The following HTRA1 variants were observed in gnomAD, a reference collection of about 807,000 sequenced individuals.
HTRA1 encodes the protein HtrA serine peptidase 1, also known as serine protease HTRA1.
In HTRA1, 26 loss-of-function variants were observed where a neutral mutation model predicts 49.7. That is an observed-to-expected ratio of 0.52 (90% CI 0.38 to 0.73). The LOEUF is 0.73. HTRA1 is among the 30% of genes least tolerant of loss of function. The pLI is 0.00. For missense variants in HTRA1, 561 were observed against 667.2 expected (o/e 0.84, Z 1.75); for synonymous variants, 291 against 286.9 (o/e 1.01, Z -0.14).
intron 3 of HTRA1, among the ~76,000 whole-genome samples, chr10:122,503,230 C>T (rs1267137579): frequency 6.6e-6 from 1 of 152,272 alleles, no homozygotes; most frequent in Non-Finnish European, 1.5e-5. Context: ...CCAGCCATAT[C>T]TGTGCTGCAT....
At chr10:122,462,323 GC>G (rs1423562663) in intron 1 of HTRA1, among the ~76,000 whole-genome samples, 199 bp downstream of exon 1, 1 of 152,252 alleles carries the variant, frequency 6.6e-6, no homozygotes, top group Non-Finnish European at 1.5e-5. Flanking sequence ...CCAGCCCGGG[GC>G]CGGTTCTGCG....
At chr10:122,471,988 G>A (rs573788156) in intron 1 of HTRA1, among the ~76,000 whole-genome samples, 2 of 152,222 alleles carry the variant, frequency 1.3e-5, no homozygotes, top group South Asian at 2.1e-4. Context: ...GATGACTGAT[G>A]TCTCCCTTCA....
Position 122,506,555 on chromosome 10 carries a change from T to A in HTRA1, c.778-136T>A. 1.3e-6 allele frequency: 1 copy of A among 752,750 alleles called. No individual in the cohort carries two copies. The highest frequency in any genetic ancestry group is 2.3e-6 in the Non-Finnish European group (1 of 431,506). The allele number at this position is 752,750 out of a possible 1,614,324, so 46.6% of individuals were successfully genotyped here. ...GCCCGCAGCAAAGGGATGTTAGTTGTGAGCTCAGTTCCCCACCGGGCCTGG... is the reference window on the plus strand; with the variant it reads ...GCCCGCAGCAAAGGGATGTTAGTTGAGAGCTCAGTTCCCCACCGGGCCTGG... On this transcript the variant is annotated intron_variant, in intron 3 of 8. Transcript: ENST00000368984. This position sits in a 1 kb window ranked among gnomAD's most constrained non-coding sequence, Gnocchi z 5.2.
intron 1 of HTRA1, among the ~76,000 whole-genome samples, chr10:122,468,573 C>T (rs941014054): frequency 8.5e-5 from 13 of 152,146 alleles, no homozygotes; most frequent in East Asian, 3.9e-4. Context: ...GACTTCTGTC[C>T]GGGAGCTGAC....
intron 1 of HTRA1, among the ~76,000 whole-genome samples, chr10:122,486,766 G>A (rs1038965468): frequency 2.0e-5 from 3 of 151,994 alleles, no homozygotes; most frequent in African/African-American, 7.2e-5. Flanking sequence ...GTATGCGTCT[G>A]TATGTATGTG....
intron 3 of HTRA1, among the ~76,000 whole-genome samples, chr10:122,496,261 C>T (rs1473688803): frequency 8.9e-4 from 13 of 14,646 alleles, no homozygotes; most frequent in African/African-American, 4.1e-3. Context: ...TTTTTTTTTG[C>T]AGAGATGAAG....
At chr10:122,513,819 C>A (rs1336958766) in intron 8 of HTRA1, among the ~76,000 whole-genome samples, 1 of 151,866 alleles carries the variant, frequency 6.6e-6, no homozygotes, top group Non-Finnish European at 1.5e-5. Flanking sequence ...ACCTCCACCT[C>A]CTGGGTTCAA....
chr10:122,485,856 G>A (rs2097492876), intron 1 of HTRA1, among the ~76,000 whole-genome samples: 1 of 152,208 alleles, frequency 6.6e-6, no homozygotes, highest in South Asian at 2.1e-4. Context: ...GAAACACCAC[G>A]CTGTCTCTGT....
intron 1 of HTRA1, among the ~76,000 whole-genome samples, chr10:122,470,766 G>T (rs2097485772): frequency 1.3e-5 from 2 of 152,060 alleles, no homozygotes; most frequent in South Asian, 4.1e-4. Context: ...CCTCTAGTTG[G>T]CAATTCCAGA....
At chr10:122,462,396 A>G (rs968272944) in intron 1 of HTRA1, among the ~76,000 whole-genome samples, 1 of 152,228 alleles carries the variant, frequency 6.6e-6, no homozygotes, top group Admixed American at 6.5e-5. Flanking sequence ...GCGACCGGCC[A>G]TGGAGTGCCC....
chr10:122,475,192 G>A (rs1398914979), intron 1 of HTRA1, among the ~76,000 whole-genome samples: 1 of 152,210 alleles, frequency 6.6e-6, no homozygotes, highest in Non-Finnish European at 1.5e-5. Flanking sequence ...ACCATCTGCT[G>A]CAGTCTTGGC....
At position 122,494,475 on chromosome 10, in the gene HTRA1, G is replaced by A. The variant is rs557378774; in HGVS notation, c.777+4849G>A. On this transcript the variant is annotated intron_variant, in intron 3 of 8. Coordinates refer to ENST00000368984, the MANE Select transcript of HTRA1 (RefSeq NM_002775.5). This position sits in a 1 kb window ranked among gnomAD's most constrained non-coding sequence, Gnocchi z 4.0. ...CTGCTTGGAGTTTGATGGACACGTG[G>A]TCCTGTCAGGGCTACAGCAGGTCTA... Among the ~76,000 whole-genome samples the A allele has an allele frequency of 2.4e-3, 362 of 152,316 alleles. 4 individuals carry two copies. The highest frequency in any genetic ancestry group is 8.3e-3 in the African/African-American group (346 of 41,566).
chr10:122,479,549 T>G (rs1220314596), intron 1 of HTRA1, among the ~76,000 whole-genome samples: 4 of 152,198 alleles, frequency 2.6e-5, no homozygotes, highest in Non-Finnish European at 5.9e-5. Flanking sequence ...ATTATTCTTA[T>G]TGATAATATT....
intron 1 of HTRA1, among the ~76,000 whole-genome samples, chr10:122,463,217 G>T (rs2097482353): frequency 6.6e-6 from 1 of 152,234 alleles, no homozygotes; most frequent in Admixed American, 6.5e-5. Context: ...AATATGGTTC[G>T]GTGTGACCAA....
In HTRA1 at chr10:122,494,653, C is replaced by A. The variant is rs1189890048; in HGVS notation, c.777+5027C>A. Among the ~76,000 whole-genome samples the A allele has an allele frequency of 6.6e-6, 1 of 152,180 alleles. No homozygotes were observed. Among genetic ancestry groups the A allele is most frequent in the African/African-American group, 2.4e-5 (1 of 41,450 alleles). On this transcript the variant is annotated intron_variant, in intron 3 of 8. Coordinates refer to ENST00000368984, the MANE Select transcript of HTRA1 (RefSeq NM_002775.5). The surrounding 1 kb of genome is among the most constrained non-coding windows in gnomAD (Gnocchi z 4.0). Reference sequence around the variant, plus strand: ...TCCCCTGTAGGCCTGCGCCACCCCCCCAACCCCACGGCCACCTTTGGGCCA... The same window carrying A: ...TCCCCTGTAGGCCTGCGCCACCCCCACAACCCCACGGCCACCTTTGGGCCA...
intron 3 of HTRA1, among the ~76,000 whole-genome samples, chr10:122,503,303 C>T (rs530046796): frequency 3.7e-4 from 56 of 152,332 alleles, no homozygotes; most frequent in African/African-American, 1.2e-3. Context: ...GCTCAATTAC[C>T]GAGTAGGAAT....
chr10:122,486,028 C>T (rs188809220), intron 1 of HTRA1, among the ~76,000 whole-genome samples: 47 of 152,300 alleles, frequency 3.1e-4, no homozygotes, highest in African/African-American at 8.2e-4. Context: ...CATTGGAGTG[C>T]TCGGGGGGAC....
At chr10:122,513,362 C>T (rs573571989) in intron 8 of HTRA1, among the ~76,000 whole-genome samples, 1 of 152,206 alleles carries the variant, frequency 6.6e-6, no homozygotes, top group Admixed American at 6.5e-5. Flanking sequence ...GATATCTGGC[C>T]AACTACGTGG....
At chr10:122,469,418 G>A (rs2097485161) in intron 1 of HTRA1, among the ~76,000 whole-genome samples, 1 of 152,224 alleles carries the variant, frequency 6.6e-6, no homozygotes, top group Non-Finnish European at 1.5e-5. Context: ...GATTGCCCAG[G>A]CAGATGGGCA....
Sources: allele counts gnomAD v4.1 joint callset (sites outside exome capture counted in the v4.1 genomes callset), GRCh38; gene constraint gnomAD v4.1.1; non-coding constraint Gnocchi (gnomAD v3.1); transcripts MANE v1.5; gene names NCBI Gene and HGNC (gene_info 2026-07-23, HGNC 2026-07-21).